The following AGXT2 variants were observed in gnomAD, a reference collection of about 807,000 sequenced individuals.
AGXT2 encodes alanine--glyoxylate aminotransferase 2.
Under a neutral mutation model 62.5 loss-of-function variants are expected in AGXT2, and 61 were observed. The observed-to-expected ratio is 0.98, with a 90% confidence interval of 0.79 to 1.21. The LOEUF is 1.21. Among genes scored for constraint, AGXT2 ranks in the 50% most tolerant of loss-of-function variants. AGXT2 has a pLI of 0.00. For synonymous variants in AGXT2, 243 were observed against 218.7 expected, an observed-to-expected ratio of 1.11 and a Z score of -0.98; for missense variants, 666 against 641.5, an observed-to-expected ratio of 1.04 and a Z score of -0.41.
chr5:35,016,639 C>G (rs1276535434), intron 9 of AGXT2, among the ~76,000 whole-genome samples: 1 of 152,120 alleles, frequency 6.6e-6, no homozygotes, highest in African/African-American at 2.4e-5. Flanking sequence ...ATGAGCCTGC[C>G]GTCTTCTCGG....
chr5:35,009,579 A>C, intron 12 of AGXT2, among the ~76,000 whole-genome samples: 1 of 152,254 alleles, frequency 6.6e-6, no homozygotes, highest in East Asian at 1.9e-4. Flanking sequence ...CCTGGGTGAC[A>C]GAGTGAGACT....
intron 1 of AGXT2, among the ~76,000 whole-genome samples, chr5:35,043,414 T>C (rs1282617228): frequency 1.3e-5 from 2 of 152,200 alleles, no homozygotes; most frequent in South Asian, 4.1e-4. Context: ...TGTTGCCCAA[T>C]GCTCATATAA....
chr5:35,001,754 G>A (rs13170299), intron 13 of AGXT2, among the ~76,000 whole-genome samples: 6,196 of 152,178 alleles, frequency 0.041, 166 homozygotes, highest in Non-Finnish European at 0.059. Flanking sequence ...TGCACAGTTT[G>A]GTTGTTTATC....
intron 1 of AGXT2, among the ~76,000 whole-genome samples, chr5:35,040,916 C>T (rs1767961179): frequency 6.6e-6 from 1 of 152,044 alleles, no homozygotes; most frequent in African/African-American, 2.4e-5. Flanking sequence ...TTGGGAGGCT[C>T]AGTTTAGGCA....
Position 35,026,399 on chromosome 5 carries a change from C to T in AGXT2, c.870+11G>A, listed in dbSNP as rs192883427. On this transcript the variant is annotated intron_variant, in intron 8 of 13. Coordinates refer to ENST00000231420, the MANE Select transcript of AGXT2 (RefSeq NM_031900.4). ...TTCAGCTCCATTAATGTCTAAGGTT[C>T]ATATACCCACTTGAATAGGTTCTGC... The T allele has an allele frequency of 6.2e-7, 1 of 1,607,648 alleles. No individual in the cohort carries two copies. Among genetic ancestry groups the T allele is most frequent in the Admixed American group, 1.7e-5 (1 of 60,004 alleles).
At chr5:35,032,624 C>A in intron 7 of AGXT2, 108 bp downstream of exon 7, 2 of 1,104,074 alleles carry the variant, frequency 1.8e-6, no homozygotes, top group South Asian at 1.3e-5. Flanking sequence ...TGGCTTTTCC[C>A]TTTTCCATGT....
intron 7 of AGXT2, among the ~76,000 whole-genome samples, chr5:35,030,823 T>A (rs1767536187): frequency 6.6e-6 from 1 of 152,176 alleles, no homozygotes; most frequent in South Asian, 2.1e-4. Context: ...GGGAGGTGCA[T>A]CAAACTGATT....
At chr5:35,020,066 T>A (rs980476516) in intron 9 of AGXT2, among the ~76,000 whole-genome samples, 1 of 152,152 alleles carries the variant, frequency 6.6e-6, no homozygotes, top group Non-Finnish European at 1.5e-5. Context: ...GGATCTGAAA[T>A]TGTGGCAATA....
At position 35,003,765 on chromosome 5, in the gene AGXT2, G is replaced by A. The variant is rs1413471163; in HGVS notation, c.1435C>T (p.Gln479Ter). The part of the protein sequence containing the change: ...LLVGRGSIFS[Q>*]TFRIAPSMCI... Reference sequence around the variant, plus strand: ...GTAAAAACCAGTCTTTCTCTTACCTGAGAAAAAATGCTGCCTCTGCCAACG... The same window carrying A: ...GTAAAAACCAGTCTTTCTCTTACCTAAGAAAAAATGCTGCCTCTGCCAACG... The change falls in exon 13 of 14, where the codon CAG (glutamine) becomes TAG (stop). Residue 479 changes from glutamine (Q) to a stop codon, truncating the protein, a stop_gained and splice_region_variant. Coordinates refer to ENST00000231420, the MANE Select transcript of AGXT2 (RefSeq NM_031900.4). LOFTEE classifies it high-confidence loss of function. 1 of 1,613,730 alleles carries A rather than the reference G, an allele frequency of 6.2e-7. No homozygotes were observed.
At chr5:35,033,045 C>T in intron 6 of AGXT2, 1 of 550,738 alleles carries the variant, frequency 1.8e-6, no homozygotes, top group South Asian at 1.9e-5. Context: ...TCAATGTTAG[C>T]CTGGAAACAG....
chr5:35,034,186 G>A (rs1305219429), intron 5 of AGXT2, among the ~76,000 whole-genome samples: 1 of 151,930 alleles, frequency 6.6e-6, no homozygotes, highest in Non-Finnish European at 1.5e-5. Flanking sequence ...AAGTAATTGT[G>A]GTTTTTGCCA....
chr5:35,043,289 G>T (rs1768056022), intron 1 of AGXT2, among the ~76,000 whole-genome samples: 1 of 151,990 alleles, frequency 6.6e-6, no homozygotes, highest in South Asian at 2.1e-4. Flanking sequence ...TTTATTAAGG[G>T]CTTCCTCACC....
At chr5:35,002,809 A>G (rs1237433514) in intron 13 of AGXT2, among the ~76,000 whole-genome samples, 1 of 152,136 alleles carries the variant, frequency 6.6e-6, no homozygotes, top group Non-Finnish European at 1.5e-5. Flanking sequence ...GGAAAGAATA[A>G]ATGCGGGGAC....
intron 7 of AGXT2, chr5:35,026,815 A>G: frequency 1.0e-6 from 1 of 980,420 alleles, no homozygotes; most frequent in Non-Finnish European, 1.2e-6. Flanking sequence ...GCTGGTATAG[A>G]TAGCTGTTTC....
At chr5:35,024,909 G>C (rs896742551) in intron 9 of AGXT2, among the ~76,000 whole-genome samples, 4 of 151,982 alleles carry the variant, frequency 2.6e-5, no homozygotes, top group African/African-American at 9.7e-5. Context: ...GGCAGAGGCT[G>C]TGGTGAGCTG....
chr5:35,041,519 GCCC>G (rs1479289831), intron 1 of AGXT2, among the ~76,000 whole-genome samples: 1 of 152,084 alleles, frequency 6.6e-6, no homozygotes, highest in African/African-American at 2.4e-5. Context: ...ACAGACTTTG[GCCC>G]CCCTGCAGCA....
rs756941639 is a variant in AGXT2 at position 35,035,228 on chromosome 5, G to A, written c.575C>T (p.Ser192Phe). The A allele has an allele frequency of 3.3e-5, 53 of 1,613,968 alleles. No individual in the cohort carries two copies. Among genetic ancestry groups the A allele is most frequent in the East Asian group, 4.5e-5 (2 of 44,888 alleles). Reference sequence around the variant, plus strand: ...TATTCCAAGTTGTGATTACCTGAAAGAAATGATGTCTATGTTGTTTGAGTG... The same window carrying A: ...TATTCCAAGTTGTGATTACCTGAAAAAAATGATGTCTATGTTGTTTGAGTG... ...RAHSNNIDIISFRGAYHGCSP... is the reference protein window; with the variant it reads ...RAHSNNIDIIFFRGAYHGCSP... Residue 192 changes from serine to phenylalanine, a missense_variant, in exon 5 of 14, where the codon TCT (serine) becomes TTT (phenylalanine). Physicochemically the swap from Ser to Phe is radical, Grantham distance 155. Transcript: ENST00000231420.
chr5:35,035,561 T>G (rs189362), intron 4 of AGXT2, among the ~76,000 whole-genome samples: 142,436 of 152,020 alleles, frequency 0.94, 67,219 homozygotes, highest in Non-Finnish European at 1. Flanking sequence ...GCAACATTCC[T>G]GGCTTTTAAT....
chr5:35,022,450 AT>A (rs1483848518), intron 9 of AGXT2, among the ~76,000 whole-genome samples: 1 of 152,026 alleles, frequency 6.6e-6, no homozygotes, highest in African/African-American at 2.4e-5. Flanking sequence ...GGAAATAATC[AT>A]TCTCAGTAAA....
Sources: gnomAD v4.1 joint callset for allele counts (sites outside exome capture counted in the v4.1 genomes callset) on GRCh38, gnomAD v4.1.1 for gene constraint, MANE v1.5 for transcripts, NCBI Gene and HGNC (gene_info 2026-07-23, HGNC 2026-07-21) for gene names.